Variants in LRRC4C observed in about 807,000 individuals in gnomAD.
LRRC4C encodes leucine rich repeat containing 4C.
In LRRC4C, 5 loss-of-function variants were observed where a neutral mutation model predicts 33.6. That is an observed-to-expected ratio of 0.15 (90% CI 0.08 to 0.31). LRRC4C has a LOEUF of 0.31. LRRC4C is among the 10% of genes least tolerant of loss of function. LRRC4C has a pLI of 1.00. For missense variants in LRRC4C, 560 were observed against 796.7 expected, an observed-to-expected ratio of 0.70 and a Z score of 3.58; for synonymous variants, 329 against 302.0, an observed-to-expected ratio of 1.09 and a Z score of -0.93.
chr11:41,317,641 T>G (rs1383001074), intron 1 of LRRC4C, among the ~76,000 whole-genome samples: 2 of 152,066 alleles, frequency 1.3e-5, no homozygotes, highest in Non-Finnish European at 2.9e-5. Context: ...ATTATTGTCA[T>G]CATTCAGTAA....
chr11:40,115,035 C>A lies in LRRC4C; in HGVS notation c.1258G>T (p.Asp420Tyr). ...TLNFTNVTVQ[D>Y]TGMYTCMVSN... ...ACCATACATGTGTACATGCCTGTAT[C>A]TTGCACAGTTACATTTGTGAAATTT... Residue 420 changes from aspartate (D) to tyrosine (Y), a missense_variant, in exon 7 of 7, where the codon GAT becomes TAT. Physicochemically the swap from Asp to Tyr is radical, Grantham distance 160. This residue lies in a region of LRRC4C where 455 missense variants were observed against 643.8 expected (regional missense o/e 0.71). Transcript: ENST00000528697. This position sits in a 1 kb window ranked among gnomAD's most constrained non-coding sequence, Gnocchi z 6.7. The A allele has an allele frequency of 6.2e-7, 1 of 1,614,242 alleles. No individual in the cohort carries two copies. The highest frequency in any genetic ancestry group is 8.5e-7 in the Non-Finnish European group (1 of 1,180,040).
intron 1 of LRRC4C, among the ~76,000 whole-genome samples, chr11:41,068,455 A>C (rs1423010693): frequency 3.9e-5 from 6 of 152,104 alleles, no homozygotes; most frequent in African/African-American, 1.4e-4. Flanking sequence ...TTTTGAAAAA[A>C]TTAACAAAAT....
chr11:40,392,884 C>A (rs1205270311), intron 3 of LRRC4C, among the ~76,000 whole-genome samples: 1 of 151,926 alleles, frequency 6.6e-6, no homozygotes, highest in East Asian at 1.9e-4. Flanking sequence ...TCGCGAAATG[C>A]CCCGCTGAAT....
At chr11:41,400,384 G>A (rs540564771) in intron 1 of LRRC4C, among the ~76,000 whole-genome samples, 71 of 151,754 alleles carry the variant, frequency 4.7e-4, no homozygotes, top group African/African-American at 1.4e-3. Flanking sequence ...CTCCTACCCC[G>A]TGATAAATCT....
At chr11:41,142,811 G>C (rs1943566627) in intron 1 of LRRC4C, among the ~76,000 whole-genome samples, 1 of 148,336 alleles carries the variant, frequency 6.7e-6, no homozygotes, top group Non-Finnish European at 1.5e-5. Flanking sequence ...AAAATCATGT[G>C]CTTGTCAATG....
At chr11:40,984,180 AAAGG>A (rs541495827) in intron 1 of LRRC4C, among the ~76,000 whole-genome samples, 32 of 150,464 alleles carry the variant, frequency 2.1e-4, no homozygotes, top group East Asian at 1.6e-3. Flanking sequence ...GAAAGGAAGG[AAAGG>A]AAGGAAGGAA....
intron 2 of LRRC4C, among the ~76,000 whole-genome samples, chr11:40,784,512 CA>C (rs1260742381): frequency 6.6e-6 from 1 of 152,162 alleles, no homozygotes; most frequent in Admixed American, 6.5e-5. Context: ...TTTAATCAAG[CA>C]ATGATAGTAA....
At chr11:41,443,456 C>T (rs1323223893) in intron 1 of LRRC4C, among the ~76,000 whole-genome samples, 1 of 152,016 alleles carries the variant, frequency 6.6e-6, no homozygotes, top group Non-Finnish European at 1.5e-5. Flanking sequence ...CTACAGTGAG[C>T]CCTCATCATG....
intron 1 of LRRC4C, among the ~76,000 whole-genome samples, chr11:40,934,936 A>G (rs1957803789): frequency 6.6e-6 from 1 of 152,144 alleles, no homozygotes; most frequent in Non-Finnish European, 1.5e-5. Flanking sequence ...GGTCAGAACA[A>G]CATCCTACCA....
At chr11:40,987,651 A>ATC (rs199955404) in intron 1 of LRRC4C, among the ~76,000 whole-genome samples, 3 of 47,874 alleles carry the variant, frequency 6.3e-5, no homozygotes, top group Non-Finnish European at 8.5e-5. Flanking sequence ...ATATATATAT[A>ATC]TCTCATATAT....
Position 41,459,600 on chromosome 11 carries a change from T to G in LRRC4C, c.-665A>C, listed in dbSNP as rs1477707823. On this transcript the variant is annotated 5_prime_UTR_variant, in exon 1 of 7. Transcript: ENST00000528697. ...TGATCTTCCAGCACCAGCAAAAACG[T>G]GTCCAAGAGACTCCGCCAAAAAGTA... The G allele has an allele frequency of 6.6e-6, 1 of 151,506 alleles. No individual in the cohort carries two copies. Among genetic ancestry groups the G allele is most frequent in the Non-Finnish European group, 1.5e-5 (1 of 67,954 alleles). The allele number at this position is 151,506 out of a possible 1,614,324, so 9.4% of individuals were successfully genotyped here. A position where few individuals can be genotyped will look rare whatever the true frequency, so the allele number is the denominator to read the frequency against.
intron 3 of LRRC4C, among the ~76,000 whole-genome samples, chr11:40,510,353 A>G (rs72899061): frequency 0.065 from 9,806 of 151,882 alleles, 838 homozygotes; most frequent in African/African-American, 0.2. Context: ...TAACTGGTCC[A>G]TGTTCACAAT....
chr11:40,366,512 G>T (rs1050009053), intron 3 of LRRC4C, among the ~76,000 whole-genome samples: 1 of 151,870 alleles, frequency 6.6e-6, no homozygotes, highest in Non-Finnish European at 1.5e-5. Context: ...AAACTTAAAA[G>T]AATAATATTT....
chr11:40,520,839 CA>C (rs1955780424), intron 3 of LRRC4C, among the ~76,000 whole-genome samples: 1 of 152,072 alleles, frequency 6.6e-6, no homozygotes, highest in Non-Finnish European at 1.5e-5. Context: ...TATTTTATAG[CA>C]GAAGTAGATA....
At chr11:40,802,361 A>T (rs1951075481) in intron 2 of LRRC4C, among the ~76,000 whole-genome samples, 1 of 152,182 alleles carries the variant, frequency 6.6e-6, no homozygotes, top group Admixed American at 6.6e-5. Context: ...AAACAAAACC[A>T]GTCTGGTTCA....
At chr11:40,455,684 T>A (rs1372940422) in intron 3 of LRRC4C, among the ~76,000 whole-genome samples, 1 of 152,168 alleles carries the variant, frequency 6.6e-6, no homozygotes, top group African/African-American at 2.4e-5. Flanking sequence ...TTGCAGACAT[T>A]GTTGCCTTCA....
chr11:41,238,210 G>T (rs370683739), intron 1 of LRRC4C, among the ~76,000 whole-genome samples: 1 of 152,040 alleles, frequency 6.6e-6, no homozygotes, highest in Non-Finnish European at 1.5e-5. Context: ...ATTTTGTGTA[G>T]TTCTTTATTG....
intron 3 of LRRC4C, among the ~76,000 whole-genome samples, chr11:40,353,251 G>A (rs1947499151): frequency 6.6e-6 from 1 of 151,618 alleles, no homozygotes; most frequent in Non-Finnish European, 1.5e-5. Context: ...TTTTGTAGTT[G>A]TAGTTCATTC....
intron 6 of LRRC4C, among the ~76,000 whole-genome samples, chr11:40,128,977 T>A (rs1856458667): frequency 6.6e-6 from 1 of 152,188 alleles, no homozygotes; most frequent in African/African-American, 2.4e-5. Context: ...CAGGTGCATA[T>A]TTTCTTACTG....
Sources: gnomAD v4.1 joint callset for allele counts (sites outside exome capture counted in the v4.1 genomes callset) on GRCh38, gnomAD v4.1.1 for gene constraint, gnomAD v4.1.1 regional missense constraint, Gnocchi (gnomAD v3.1) non-coding constraint, MANE v1.5 for transcripts, NCBI Gene and HGNC (gene_info 2026-07-23, HGNC 2026-07-21) for gene names.